Variants in UQCC1 observed in about 807,000 individuals in gnomAD.
The protein encoded by UQCC1 is bFGF-repressed Zic-binding protein.
Under a neutral mutation model 48.0 loss-of-function variants are expected in UQCC1, and 38 were observed. The observed-to-expected ratio is 0.79, with a 90% CI of 0.61 to 1.04. The LOEUF (loss-of-function observed/expected upper bound fraction) is 1.04, where lower values mean the gene tolerates loss of function less well. UQCC1 is among the 50% of genes least tolerant of loss of function. UQCC1 has a pLI of 0.00. For synonymous variants in UQCC1, 111 were observed against 129.2 expected (o/e 0.86, Z 0.95); for missense variants, 368 against 381.8 (o/e 0.96, Z 0.30).
intron 7 of UQCC1, among the ~76,000 whole-genome samples, chr20:35,332,495 G>C (rs1251034553): frequency 6.6e-6 from 1 of 152,256 alleles, no homozygotes; most frequent in Non-Finnish European, 1.5e-5. Context: ...CTCAGAGCCA[G>C]AGTAGAACTC....
chr20:35,411,823 G>A, intron 1 of UQCC1, 117 bp downstream of exon 1: 2 of 1,415,722 alleles, frequency 1.4e-6, no homozygotes, highest in Non-Finnish European at 2.0e-6. Flanking sequence ...CGGCCACTCA[G>A]CCTAGCTATA....
intron 9 of UQCC1, 89 bp downstream of exon 9, chr20:35,306,577 G>A: frequency 1.0e-6 from 1 of 996,656 alleles, no homozygotes; most frequent in Non-Finnish European, 1.6e-6. Context: ...GCTGGTCCTT[G>A]GTAACTCCAC....
chr20:35,363,091 T>C (rs781423505), intron 6 of UQCC1, among the ~76,000 whole-genome samples: 2 of 150,916 alleles, frequency 1.3e-5, no homozygotes, highest in Non-Finnish European at 3.0e-5. Flanking sequence ...TACCTGACAT[T>C]ATAAGGATAA....
chr20:35,341,202 CAG>C (rs1453461688), intron 7 of UQCC1, among the ~76,000 whole-genome samples: 16 of 118,810 alleles, frequency 1.3e-4, no homozygotes, highest in Non-Finnish European at 2.4e-4. Context: ...GTCTGGGTGA[CAG>C]AGAGAGACTC....
intron 3 of UQCC1, among the ~76,000 whole-genome samples, chr20:35,382,512 CTTTTTTTT>C (rs1162371421): frequency 2.8e-5 from 3 of 108,284 alleles, no homozygotes; most frequent in Non-Finnish European, 5.6e-5. Flanking sequence ...TTTCTTTTTT[CTTTTTTTT>C]TTTTTTTTTT....
intron 1 of UQCC1, among the ~76,000 whole-genome samples, chr20:35,404,456 C>T (rs554059234): frequency 2.4e-3 from 363 of 151,550 alleles, no homozygotes; most frequent in African/African-American, 8.1e-3. Context: ...AGGAGAATGG[C>T]GTGAACCCGG....
At chr20:35,316,885 G>A (rs138210597) in intron 7 of UQCC1, among the ~76,000 whole-genome samples, 3,420 of 151,482 alleles carry the variant, frequency 0.023, 123 homozygotes, top group African/African-American at 0.079. Context: ...TGATCCACCC[G>A]CCTCGGCCTC....
intron 7 of UQCC1, among the ~76,000 whole-genome samples, chr20:35,316,659 GAC>G (rs2061062395): frequency 6.6e-6 from 1 of 152,040 alleles, no homozygotes; most frequent in Non-Finnish European, 1.5e-5. Flanking sequence ...TCTTTTTTGA[GAC>G]AGAGTCTCGC....
chr20:35,399,223 CA>C (rs919653243), intron 1 of UQCC1, among the ~76,000 whole-genome samples: 1 of 152,230 alleles, frequency 6.6e-6, no homozygotes, highest in African/African-American at 2.4e-5. Context: ...CCGAATTATA[CA>C]AGCCCTGCTT....
intron 4 of UQCC1, among the ~76,000 whole-genome samples, chr20:35,377,410 T>C (rs1214681068): frequency 1.3e-5 from 2 of 152,224 alleles, no homozygotes; most frequent in Non-Finnish European, 2.9e-5. Flanking sequence ...AAACTAATGA[T>C]AATCTAATAA....
At chr20:35,360,288 A>C (rs768089136) in intron 6 of UQCC1, among the ~76,000 whole-genome samples, 1 of 152,140 alleles carries the variant, frequency 6.6e-6, no homozygotes, top group Non-Finnish European at 1.5e-5. Context: ...AGAAGCCTGA[A>C]TGCCCTACAG....
At chr20:35,310,510 G>C (rs2060977789) in intron 8 of UQCC1, among the ~76,000 whole-genome samples, 2 of 151,462 alleles carry the variant, frequency 1.3e-5, no homozygotes, top group South Asian at 4.2e-4. Context: ...GTCAAGCATG[G>C]TGGCGCCTGC....
intron 7 of UQCC1, among the ~76,000 whole-genome samples, chr20:35,331,192 C>A (rs962177369): frequency 2.0e-5 from 3 of 152,110 alleles, no homozygotes; most frequent in Admixed American, 2.0e-4. Flanking sequence ...TGCCCCATAA[C>A]CATACACATA....
intron 6 of UQCC1, among the ~76,000 whole-genome samples, chr20:35,352,936 C>T (rs901412830): frequency 1.3e-5 from 2 of 152,026 alleles, no homozygotes; most frequent in African/African-American, 4.8e-5. Context: ...CTACCTTGGC[C>T]TCCCAAAGTG....
chr20:35,402,421 A>T (rs1204658), intron 1 of UQCC1, among the ~76,000 whole-genome samples: 7,533 of 152,010 alleles, frequency 0.05, 311 homozygotes, highest in African/African-American at 0.11. Flanking sequence ...TACTAAAAAT[A>T]CAAAAAATTA....
chr20:35,349,285 G>A (rs2061464615), intron 6 of UQCC1, among the ~76,000 whole-genome samples: 1 of 152,154 alleles, frequency 6.6e-6, no homozygotes. Flanking sequence ...ACTTCAACAG[G>A]TTGAATCTAA....
chr20:35,405,917 A>G (rs1266830393), intron 1 of UQCC1, among the ~76,000 whole-genome samples: 1 of 152,218 alleles, frequency 6.6e-6, no homozygotes, highest in Admixed American at 6.5e-5. Flanking sequence ...TGAAAAGTCC[A>G]ACAACTAAAA....
intron 1 of UQCC1, among the ~76,000 whole-genome samples, chr20:35,401,907 A>G (rs897898650): frequency 6.6e-6 from 1 of 151,592 alleles, no homozygotes; most frequent in Non-Finnish European, 1.5e-5. Flanking sequence ...GTGATCCCTC[A>G]GCCTCAGCCT....
chr20:35,328,344 C>T (rs59075709), intron 7 of UQCC1, among the ~76,000 whole-genome samples: 2,098 of 152,294 alleles, frequency 0.014, 46 homozygotes, highest in African/African-American at 0.048. Context: ...TGCAAAACCA[C>T]CTTTCCTTTT....
Sources: gnomAD v4.1 joint callset for allele counts (sites outside exome capture counted in the v4.1 genomes callset) on GRCh38, gnomAD v4.1.1 for gene constraint, MANE v1.5 for transcripts, NCBI Gene and HGNC (gene_info 2026-07-23, HGNC 2026-07-21) for gene names.